Variants in PSCA observed in about 807,000 individuals in gnomAD.
PSCA encodes prostate stem cell antigen.
In PSCA, 7 loss-of-function variants were observed where a neutral mutation model predicts 7.9. The ratio of observed to expected loss-of-function variants is 0.89; its 90% CI spans 0.51 to 1.67. The LOEUF (loss-of-function observed/expected upper bound fraction) is 1.67. PSCA is among the 40% of genes most tolerant of loss of function. The pLI is 0.00. For missense variants in PSCA, 151 were observed against 147.9 expected, an observed-to-expected ratio of 1.02 and a Z score of -0.11; for synonymous variants, 61 against 68.3, an observed-to-expected ratio of 0.89 and a Z score of 0.53.
intron 2 of PSCA, 86 bp downstream of exon 2, chr8:142,681,520 T>C: frequency 8.0e-7 from 1 of 1,247,784 alleles, no homozygotes; most frequent in Non-Finnish European, 1.1e-6. Flanking sequence ...ATCTGTGTGC[T>C]GTTTTCCTTC....
At chr8:142,674,136 C>G (rs1309760555) in intron 1 of PSCA, among the ~76,000 whole-genome samples, 1 of 148,596 alleles carries the variant, frequency 6.7e-6, no homozygotes, top group African/African-American at 2.5e-5. Context: ...GAGCTCAGAT[C>G]CCCCATCTTC....
chr8:142,681,441 G>T lies in PSCA; in HGVS notation c.133+7G>T, dbSNP rs137952949. ...TGCTGGACCGCGCGCATCCGTGAGT[G>T]GGGGGACGACAGCCGCCAGGCCTAG... On this transcript the variant is annotated splice_region_variant and intron_variant, in intron 2 of 2. Coordinates refer to ENST00000301258, the MANE Select transcript of PSCA (RefSeq NM_005672.5). 1,925 of 1,581,202 alleles carry T rather than the reference G, an allele frequency of 1.2e-3. 2 individuals carry two copies. Among genetic ancestry groups the T allele is most frequent in the Non-Finnish European group, 1.6e-3 (1,819 of 1,163,676 alleles).
chr8:142,679,675 T>C (rs1847439580), upstream of PSCA, among the ~76,000 whole-genome samples: 2 of 152,326 alleles, frequency 1.3e-5, no homozygotes, highest in South Asian at 4.1e-4. Context: ...CATCTTCTGG[T>C]TGGCAATCGC....
intron 1 of PSCA, chr8:142,680,938 A>G (rs2129872534): frequency 1.1e-5 from 5 of 459,622 alleles, no homozygotes; most frequent in Non-Finnish European, 2.0e-5. Flanking sequence ...TTGGGGCACA[A>G]GGGGGAGGTG....
rs1204788152 is a variant in PSCA, at chr8:142,682,195, T to A, written c.*63T>A. 4 of 1,523,020 alleles carry A rather than the reference T, an allele frequency of 2.6e-6. No individual in the cohort carries two copies. The African/African-American group carries it at 5.5e-5, about 21-fold the overall frequency. 94.3% of individuals were successfully genotyped at this position (1,523,020 alleles called of 1,614,324 possible). On this transcript the variant is annotated 3_prime_UTR_variant, in exon 3 of 3. Coordinates refer to ENST00000301258, the MANE Select transcript of PSCA (RefSeq NM_005672.5). ...GTGCCCCAGGCCTCTGTGCCACTCC[T>A]CACACACCCGGCCCAGTGGGAGCCT...
chr8:142,680,958 T>C, intron 1 of PSCA: 2 of 448,162 alleles, frequency 4.5e-6, no homozygotes, highest in East Asian at 3.9e-5. Context: ...GCTGGGGGTG[T>C]CCTGCGAGGA....
Position 142,681,915 on chromosome 8 carries a change from C to A in PSCA, c.134-6C>A. Reference sequence around the variant, plus strand: ...AGCCCCATCCCCGGATCCCGCTGCTCCCCAGGCGCAGTTGGCCTCCTGACC... The same window carrying A: ...AGCCCCATCCCCGGATCCCGCTGCTACCCAGGCGCAGTTGGCCTCCTGACC... On this transcript the variant is annotated splice_polypyrimidine_tract_variant and splice_region_variant and intron_variant, in intron 2 of 2. Transcript: ENST00000301258. 1 of 1,524,204 alleles carries A rather than the reference C, an allele frequency of 6.6e-7. No individual in the cohort carries two copies. The highest frequency in any genetic ancestry group is 2.4e-5 in the East Asian group (1 of 41,102). 94.4% of individuals were successfully genotyped at this position (1,524,204 alleles called of 1,614,324 possible). A position where few individuals can be genotyped will look rare whatever the true frequency, so the allele number is the denominator to read the frequency against.
chr8:142,670,317 C>G (rs1847297553), exon 1 of PSCA: 1 of 152,338 alleles, frequency 6.6e-6, no homozygotes, highest in South Asian at 2.1e-4. Context: ...TGACAGTGAA[C>G]CCTGCGCTGA....
chr8:142,682,219 C>T lies in PSCA; in HGVS notation c.*87C>T, dbSNP rs1554638489. On this transcript the variant is annotated 3_prime_UTR_variant, in exon 3 of 3. Transcript: ENST00000301258. Reference sequence around the variant, plus strand: ...CTCACACACCCGGCCCAGTGGGAGCCTGTCCTGGTTCCTGAGGCACATCCT... The same window carrying T: ...CTCACACACCCGGCCCAGTGGGAGCTTGTCCTGGTTCCTGAGGCACATCCT... 7 of 1,448,448 alleles carry T rather than the reference C, an allele frequency of 4.8e-6. No individual in the cohort carries two copies. In the Admixed American group the frequency reaches 9.7e-5, roughly 20 times the overall value. 89.7% of individuals were successfully genotyped at this position (1,448,448 alleles called of 1,614,324 possible).
upstream of PSCA, among the ~76,000 whole-genome samples, chr8:142,679,046 G>A (rs782761356): frequency 1.1e-4 from 16 of 152,196 alleles, no homozygotes; most frequent in Non-Finnish European, 1.3e-4. Flanking sequence ...CTGCTCTAGA[G>A]GGCCATAGCC....
rs1312184391 is a variant in PSCA, at chr8:142,673,090, GCTTGT to G, written n.261+2526_261+2530del. On this transcript the variant is annotated intron_variant and non_coding_transcript_variant, in intron 1 of 1. Transcript: ENST00000505305. The surrounding 1 kb of genome is among the most constrained non-coding windows in gnomAD (Gnocchi z 4.6). ...ATTCACGCGTGCAAGCTTCCAGCTT[GCTTGT>G]CTTATGTTTGCGGCTCGATTTTACA... 1.8e-4 allele frequency among the ~76,000 whole-genome samples: 28 copies of G among 152,278 alleles called. No individual in the cohort carries two copies. The highest frequency in any genetic ancestry group is 6.5e-4 in the African/African-American group (27 of 41,554).
At chr8:142,679,450 AT>A (rs1847436708), upstream of PSCA, among the ~76,000 whole-genome samples, 1 of 152,202 alleles carries the variant, frequency 6.6e-6, no homozygotes, top group Admixed American at 6.5e-5. Flanking sequence ...ATTTGAAGAC[AT>A]TTATTCTGAG....
intron 1 of PSCA, chr8:142,670,569 G>A (rs1268245913): frequency 6.6e-6 from 1 of 152,272 alleles, no homozygotes; most frequent in Admixed American, 6.5e-5. Flanking sequence ...TGCGACTTAA[G>A]TGAGTATGGA....
In PSCA at chr8:142,682,248, G is replaced by T; in HGVS notation, c.*116G>T. 2 of 1,285,948 alleles carry T rather than the reference G, an allele frequency of 1.6e-6. No homozygotes were observed. The highest frequency in any genetic ancestry group is 5.0e-5 in the East Asian group (2 of 39,838). The allele number at this position is 1,285,948 out of a possible 1,614,324, so 79.7% of individuals were successfully genotyped here. A position where few individuals can be genotyped will look rare whatever the true frequency, so the allele number is the denominator to read the frequency against. ...CCTGGTTCCTGAGGCACATCCTAAC[G>T]CAAGTCTGACCATGTATGTCTGCGC... is the stretch of plus-strand genomic sequence containing the variant. On this transcript the variant is annotated 3_prime_UTR_variant, in exon 3 of 3. Transcript: ENST00000301258.
rs781929366 is a variant in PSCA at position 142,681,367 on chromosome 8, C to A, written c.66C>A (p.Ser22Arg). Reference sequence around the variant, plus strand: ...GCTACTCCTGCAAAGCCCAGGTGAGCAACGAGGACTGCCTGCAGGTGGAGA... The same window carrying A: ...GCTACTCCTGCAAAGCCCAGGTGAGAAACGAGGACTGCCTGCAGGTGGAGA... Reference protein sequence around the residue: ...LLCYSCKAQVSNEDCLQVENC... With the variant: ...LLCYSCKAQVRNEDCLQVENC... Residue 22 changes from serine to arginine, a missense_variant, in exon 2 of 3, where the codon AGC becomes AGA. Ser to Arg is a moderately radical substitution (Grantham distance 110). Transcript: ENST00000301258. The A allele has an allele frequency of 7.6e-6, 12 of 1,584,892 alleles. 1 individual carries two copies. In the Middle Eastern group the frequency reaches 5.0e-4, roughly 66 times the overall value.
chr8:142,678,274 C>T (rs1554637979), upstream of PSCA, among the ~76,000 whole-genome samples: 2 of 152,146 alleles, frequency 1.3e-5, no homozygotes, highest in African/African-American at 4.8e-5. Context: ...CAACCATCAG[C>T]GGGGACGAGA....
At chr8:142,675,019 C>T (rs969162305) in intron 1 of PSCA, among the ~76,000 whole-genome samples, 9 of 152,366 alleles carry the variant, frequency 5.9e-5, no homozygotes, top group African/African-American at 2.2e-4. Context: ...GGCTTGTATC[C>T]GGCAGTGTCC....
chr8:142,670,876 C>T (rs1270760550), intron 1 of PSCA, among the ~76,000 whole-genome samples: 7 of 152,168 alleles, frequency 4.6e-5, no homozygotes, highest in Non-Finnish European at 1.0e-4. Flanking sequence ...GGATTGGTTC[C>T]AGCACTTCTC....
intron 1 of PSCA, among the ~76,000 whole-genome samples, chr8:142,670,922 C>A (rs1847311995): frequency 6.6e-6 from 1 of 152,212 alleles, no homozygotes; most frequent in Non-Finnish European, 1.5e-5. Flanking sequence ...AAATCCCTTA[C>A]ATAAAATGGC....
Sources: allele counts gnomAD v4.1 joint callset (sites outside exome capture counted in the v4.1 genomes callset), GRCh38; gene constraint gnomAD v4.1.1; non-coding constraint Gnocchi (gnomAD v3.1); transcripts MANE v1.5; gene names NCBI Gene and HGNC (gene_info 2026-07-23, HGNC 2026-07-21).